Variants in IGSF10 observed in about 807,000 individuals in gnomAD.
IGSF10 encodes the protein immunoglobulin superfamily member 10, also known as calvaria mechanical force protein 608.
Under a neutral mutation model 128.2 loss-of-function variants are expected in IGSF10, and 126 were observed. That is an observed-to-expected ratio of 0.98 (90% CI 0.85 to 1.14). IGSF10 has a LOEUF of 1.14. Among genes scored for constraint, IGSF10 ranks in the 50% most tolerant of loss-of-function variants. The probability of loss-of-function intolerance (pLI) is 0.00; values close to 1 mark genes in which losing one functional copy is unlikely to be tolerated. For synonymous variants in IGSF10, 1,185 were observed against 1,146.2 expected (o/e 1.03, Z -0.68); for missense variants, 3,295 against 3,149.8 (o/e 1.05, Z -1.10).
the IGSF10 span, among the ~76,000 whole-genome samples, chr3:151,481,124 C>T: frequency 1.3e-5 from 2 of 152,206 alleles, no homozygotes; most frequent in African/African-American, 4.8e-5. Context: ...GATCCAGAGG[C>T]TCTGCTGACT....
chr3:151,444,875 T>C (rs1721086960), intron 6 of IGSF10, 44 bp downstream of exon 6: 1 of 1,505,302 alleles, frequency 6.6e-7, no homozygotes, highest in African/African-American at 1.4e-5. Context: ...ATCTTCTTCT[T>C]GTTTTCTAAC....
rs756780339 is a variant in IGSF10, at chr3:151,446,475, T to C, written c.3506A>G (p.Asn1169Ser). The C allele has an allele frequency of 6.2e-7, 1 of 1,614,236 alleles. No individual in the cohort carries two copies. Reference sequence around the variant, plus strand: ...AATCACTGAATCTCTTTTAGCTTCATTGGTGCTAGACACACGTGGGTAACT... The same window carrying C: ...AATCACTGAATCTCTTTTAGCTTCACTGGTGCTAGACACACGTGGGTAACT... ...NASYPRVSST[N>S]EAKRDSVITS... The change falls in exon 6 of 8, where the codon AAT becomes AGT. Residue 1169 changes from asparagine (N) to serine (S), a missense_variant. Transcript: ENST00000282466.
At chr3:151,614,613 T>C in the IGSF10 span, among the ~76,000 whole-genome samples, 1 of 151,814 alleles carries the variant, frequency 6.6e-6, no homozygotes, top group Non-Finnish European at 1.5e-5. Context: ...TAGGTGGGAA[T>C]TGAACAATGA....
At chr3:151,499,780 A>G in the IGSF10 span, 1 of 152,054 alleles carries the variant, frequency 6.6e-6, no homozygotes, top group Non-Finnish European at 1.5e-5. Flanking sequence ...AATTTGTCTG[A>G]GCTCTGAAAA....
downstream of IGSF10, chr3:151,435,838 A>G (rs1720108907): frequency 1.3e-5 from 2 of 152,172 alleles, no homozygotes; most frequent in Admixed American, 1.3e-4. Context: ...TATATAATAG[A>G]CCTAGACCCT....
At chr3:151,470,158 A>G in the IGSF10 span, among the ~76,000 whole-genome samples, 1 of 152,218 alleles carries the variant, frequency 6.6e-6, no homozygotes, top group African/African-American at 2.4e-5. Context: ...AGTTGCCTCA[A>G]AATTCTACTC....
the IGSF10 span, among the ~76,000 whole-genome samples, chr3:151,580,131 C>T: frequency 5.9e-5 from 9 of 151,874 alleles, no homozygotes; most frequent in Admixed American, 5.9e-4. Flanking sequence ...TTGCTTAAGC[C>T]CCAGGAGTTT....
chr3:151,540,181 G>A, the IGSF10 span, among the ~76,000 whole-genome samples: 2 of 152,024 alleles, frequency 1.3e-5, no homozygotes, highest in African/African-American at 4.8e-5. Context: ...ACACAGAAAA[G>A]CGTATATATC....
the IGSF10 span, among the ~76,000 whole-genome samples, chr3:151,468,743 A>G: frequency 6.6e-6 from 1 of 152,228 alleles, no homozygotes; most frequent in African/African-American, 2.4e-5. Context: ...TATTTTTAAA[A>G]TTTATTTTAC....
the IGSF10 span, among the ~76,000 whole-genome samples, chr3:151,587,751 G>A: frequency 1.3e-5 from 2 of 152,124 alleles, no homozygotes; most frequent in Non-Finnish European, 2.9e-5. Flanking sequence ...TGAATTATGG[G>A]GGCAGGTCTT....
chr3:151,604,110 T>C, the IGSF10 span, among the ~76,000 whole-genome samples: 38 of 152,316 alleles, frequency 2.5e-4, no homozygotes, highest in African/African-American at 8.4e-4. Context: ...TATTCAAAAA[T>C]ATCCAAAATA....
chr3:151,578,275 G>A, the IGSF10 span, among the ~76,000 whole-genome samples: 1 of 152,140 alleles, frequency 6.6e-6, no homozygotes, highest in African/African-American at 2.4e-5. Context: ...ATTCCTGAAA[G>A]GCCAGATAGT....
At chr3:151,526,701 T>C in the IGSF10 span, among the ~76,000 whole-genome samples, 3 of 152,246 alleles carry the variant, frequency 2.0e-5, no homozygotes. Context: ...CTCATTTTTT[T>C]CTTTTTCTGA....
the IGSF10 span, among the ~76,000 whole-genome samples, chr3:151,590,767 T>C: frequency 2.0e-5 from 3 of 152,156 alleles, no homozygotes; most frequent in Non-Finnish European, 4.4e-5. Context: ...TAATGCAACA[T>C]ATATGTGTGA....
At chr3:151,576,967 T>C in the IGSF10 span, among the ~76,000 whole-genome samples, 5 of 152,320 alleles carry the variant, frequency 3.3e-5, no homozygotes, top group Admixed American at 1.3e-4. Flanking sequence ...ACTTTCTTAG[T>C]AAACTTTCAA....
chr3:151,513,030 G>C, the IGSF10 span, among the ~76,000 whole-genome samples: 811 of 152,258 alleles, frequency 5.3e-3, 7 homozygotes, highest in African/African-American at 0.018. Flanking sequence ...AATTCTACCA[G>C]AGGTACAAGG....
the IGSF10 span, among the ~76,000 whole-genome samples, chr3:151,514,596 C>T: frequency 2.6e-5 from 4 of 152,114 alleles, no homozygotes; most frequent in African/African-American, 9.7e-5. Flanking sequence ...GCAATGGCAA[C>T]AAAAGCCAAA....
At chr3:151,568,554 ACCCTGCTTCAC>A in the IGSF10 span, among the ~76,000 whole-genome samples, 1 of 151,974 alleles carries the variant, frequency 6.6e-6, no homozygotes. Context: ...TCTTTATAAA[ACCCTGCTTCAC>A]CCCTGTGTGT....
chr3:151,543,407 C>G, the IGSF10 span, among the ~76,000 whole-genome samples: 2 of 152,120 alleles, frequency 1.3e-5, no homozygotes, highest in Admixed American at 6.6e-5. Context: ...CTACTACCCC[C>G]ACACCTGCAG....
Sources: gnomAD v4.1 joint callset for allele counts (sites outside exome capture counted in the v4.1 genomes callset) on GRCh38, gnomAD v4.1.1 for gene constraint, MANE v1.5 for transcripts, NCBI Gene and HGNC (gene_info 2026-07-23, HGNC 2026-07-21) for gene names.